Variants in SCLT1 observed in about 807,000 individuals in gnomAD.
The protein encoded by SCLT1 is sodium channel-associated protein 1.
Under a neutral mutation model 112.8 loss-of-function variants are expected in SCLT1, and 78 were observed. That is an observed-to-expected ratio of 0.69 (90% CI 0.58 to 0.83). SCLT1 has a LOEUF of 0.83. Ranked by LOEUF, SCLT1 falls within the 40% of genes least tolerant of loss-of-function variation. SCLT1 has a pLI of 0.00. For synonymous variants in SCLT1, 257 were observed against 254.7 expected (o/e 1.01, Z -0.09); for missense variants, 747 against 770.4 (o/e 0.97, Z 0.36).
At chr4:129,065,477 A>C (rs1750396078) in intron 2 of SCLT1, among the ~76,000 whole-genome samples, 1 of 152,082 alleles carries the variant, frequency 6.6e-6, no homozygotes, top group South Asian at 2.1e-4. Flanking sequence ...CTGACCATAA[A>C]TATTTGACTT....
chr4:128,925,385 C>G (rs1056491667), intron 18 of SCLT1, among the ~76,000 whole-genome samples: 5 of 151,986 alleles, frequency 3.3e-5, no homozygotes, highest in Admixed American at 2.6e-4. Context: ...CTCTGTCATC[C>G]AGGCTGGAGT....
At chr4:128,988,090 A>G (rs1742256053) in intron 9 of SCLT1, among the ~76,000 whole-genome samples, 1 of 152,180 alleles carries the variant, frequency 6.6e-6, no homozygotes, top group Non-Finnish European at 1.5e-5. Flanking sequence ...TTCAAAAGAA[A>G]AGGATGTTTA....
chr4:128,931,255 T>A (rs1736735792), intron 18 of SCLT1, among the ~76,000 whole-genome samples: 1 of 152,026 alleles, frequency 6.6e-6, no homozygotes, highest in Admixed American at 6.6e-5. Context: ...GTAAAGCTAA[T>A]AATAAAATTA....
At chr4:128,997,973 G>T in intron 7 of SCLT1, 34 bp from the exon 8 acceptor site, 1 of 1,100,276 alleles carries the variant, frequency 9.1e-7, no homozygotes, top group Non-Finnish European at 1.3e-6. Flanking sequence ...TATATAAATA[G>T]CATTTTGTTG....
At chr4:129,090,400 C>T (rs1439593227) in intron 1 of SCLT1, among the ~76,000 whole-genome samples, 1 of 152,072 alleles carries the variant, frequency 6.6e-6, no homozygotes, top group Non-Finnish European at 1.5e-5. Context: ...TTTGGGCATC[C>T]AATGCAAGAA....
intron 3 of SCLT1, among the ~76,000 whole-genome samples, chr4:128,878,854 T>C (rs1732576998): frequency 6.6e-6 from 1 of 152,120 alleles, no homozygotes; most frequent in Non-Finnish European, 1.5e-5. Flanking sequence ...CTGGAAAATT[T>C]ACCAAATCCC....
chr4:128,960,926 C>CAAAA lies in SCLT1; in HGVS notation c.870-1153_870-1150dup, dbSNP rs34599122. ...TGGGCGACAGAGCGAGACTCCGTCTCAAAAAAAAAAAAAAAAAAAAAAGAA... is the reference window on the plus strand; with the variant it reads ...TGGGCGACAGAGCGAGACTCCGTCTCAAAAAAAAAAAAAAAAAAAAAAAAAAGAA... On this transcript the variant is annotated intron_variant, in intron 11 of 20. Coordinates refer to ENST00000281142, the MANE Select transcript of SCLT1 (RefSeq NM_144643.4). Among the ~76,000 whole-genome samples the CAAAA allele has an allele frequency of 1.7e-3, 91 of 52,210 alleles. 1 individual carries two copies. The highest frequency in any genetic ancestry group is 4.5e-3 in the East Asian group (7 of 1,540). The allele number at this position is 52,210 out of a possible 152,430, so 34.3% of individuals were successfully genotyped here. A position where few individuals can be genotyped will look rare whatever the true frequency, so the allele number is the denominator to read the frequency against.
intron 14 of SCLT1, among the ~76,000 whole-genome samples, chr4:128,949,451 C>T (rs539712128): frequency 2.2e-4 from 33 of 151,936 alleles, no homozygotes; most frequent in Non-Finnish European, 4.1e-4. Context: ...CATATGTATA[C>T]GTGTGCCATG....
intron 18 of SCLT1, among the ~76,000 whole-genome samples, chr4:128,895,439 G>A (rs1056563324): frequency 3.1e-4 from 47 of 152,226 alleles, no homozygotes; most frequent in African/African-American, 4.6e-4. Context: ...TCACTGTCTC[G>A]AAAACAAACT....
intron 9 of SCLT1, 84 bp from the exon 10 acceptor site, chr4:128,970,552 A>G (rs1740604578): frequency 1.3e-6 from 1 of 766,622 alleles, no homozygotes; most frequent in African/African-American, 1.8e-5. Context: ...AATTTGGTAA[A>G]ATCAGTTCTA....
rs1441898435 is a variant in SCLT1, at chr4:129,093,256, C to T, written c.-153G>A. 6.1e-6 allele frequency: 4 copies of T among 660,800 alleles called. No individual in the cohort carries two copies. The highest frequency in any genetic ancestry group is 1.1e-5 in the Non-Finnish European group (4 of 370,752). The allele number at this position is 660,800 out of a possible 1,614,324, so 40.9% of individuals were successfully genotyped here. A position where few individuals can be genotyped will look rare whatever the true frequency, so the allele number is the denominator to read the frequency against. ...CTGCATCCTACTCACGCGGCATCTA[C>T]AGCCCCGCCACGCTTCTTTCCCCCG... On this transcript the variant is annotated 5_prime_UTR_variant, in exon 1 of 21. Coordinates refer to ENST00000281142, the MANE Select transcript of SCLT1 (RefSeq NM_144643.4).
rs186758431 is a variant in SCLT1, at chr4:128,956,543, C to T, written c.1146+483G>A. Reference sequence around the variant, plus strand: ...AAAGTAATAGATTTTTTTCTTTACACCATGATTCTGTAAAAGTAATAGATT... The same window carrying T: ...AAAGTAATAGATTTTTTTCTTTACATCATGATTCTGTAAAAGTAATAGATT... On this transcript the variant is annotated intron_variant, in intron 13 of 20. Transcript: ENST00000281142. Among the ~76,000 whole-genome samples the T allele has an allele frequency of 5.8e-3, 876 of 152,030 alleles. 7 individuals are homozygous for T. The highest frequency in any genetic ancestry group is 0.034 in the Middle Eastern group (10 of 294).
intron 18 of SCLT1, among the ~76,000 whole-genome samples, chr4:128,923,399 C>T (rs1034870579): frequency 2.9e-5 from 4 of 138,970 alleles, no homozygotes; most frequent in Non-Finnish European, 4.5e-5. Flanking sequence ...GAACCAAGAT[C>T]GTGCCACTGC....
chr4:128,888,708 C>T lies in SCLT1; in HGVS notation c.1975G>A (p.Glu659Lys), dbSNP rs2125921813. Reference protein sequence around the residue: ...NRLQRRLSQAEERAASASQQL... With the variant: ...NRLQRRLSQAKERAASASQQL... ...TGGGAAGCTGAAGCAGCTCTCTCTT[C>T]TGCCTGACTTAGACGCCTTTGAAGT... The change falls in exon 20 of 21, where the codon GAA (glutamate) becomes AAA (lysine). Residue 659 changes from glutamate to lysine, a missense_variant. By Grantham distance (56) the Glu-to-Lys change is moderately conservative. Transcript: ENST00000281142. The T allele has an allele frequency of 6.2e-7, 1 of 1,612,844 alleles. No homozygotes were observed. The highest frequency in any genetic ancestry group is 8.5e-7 in the Non-Finnish European group (1 of 1,179,078).
At chr4:128,920,563 C>T (rs936941995) in intron 18 of SCLT1, among the ~76,000 whole-genome samples, 4 of 152,184 alleles carry the variant, frequency 2.6e-5, no homozygotes, top group Non-Finnish European at 4.4e-5. Context: ...AAGTGCTGGG[C>T]GTAAGCCACT....
At chr4:128,952,354 C>T (rs2126002974) in intron 14 of SCLT1, 3 of 458,424 alleles carry the variant, frequency 6.5e-6, no homozygotes, top group Non-Finnish European at 1.3e-5. Flanking sequence ...TCTAGCCACA[C>T]AAGTATTCTT....
chr4:128,915,745 A>T (rs1735424161), intron 18 of SCLT1, among the ~76,000 whole-genome samples: 1 of 150,416 alleles, frequency 6.6e-6, no homozygotes, highest in African/African-American at 2.5e-5. Context: ...TTCATTCAAC[A>T]AATATGTTCT....
At chr4:128,987,619 G>A in intron 9 of SCLT1, among the ~76,000 whole-genome samples, 1 of 152,024 alleles carries the variant, frequency 6.6e-6, no homozygotes, top group African/African-American at 2.4e-5. Flanking sequence ...CATGAGCTTG[G>A]AGAAAGGCTA....
Position 129,082,392 on chromosome 4 carries a change from C to G in SCLT1, c.35-19G>C. 6.6e-7 allele frequency: 1 copy of G among 1,519,774 alleles called. No individual in the cohort carries two copies. The highest frequency in any genetic ancestry group is 9.0e-7 in the Non-Finnish European group (1 of 1,107,312). 94.1% of individuals were successfully genotyped at this position (1,519,774 alleles called of 1,614,324 possible). The stretch of plus-strand genomic sequence containing the variant: ...CTTCGATCTGAAACAAGCGGGAAAA[C>G]AGATTTCAGTTCATTGAGTAATGGT... On this transcript the variant is annotated intron_variant, in intron 1 of 20. Coordinates refer to ENST00000281142, the MANE Select transcript of SCLT1 (RefSeq NM_144643.4).
Sources: gnomAD v4.1 joint callset for allele counts (sites outside exome capture counted in the v4.1 genomes callset) on GRCh38, gnomAD v4.1.1 for gene constraint, MANE v1.5 for transcripts, NCBI Gene and HGNC (gene_info 2026-07-23, HGNC 2026-07-21) for gene names.